Variants in GPR39 observed in about 807,000 individuals in gnomAD.
GPR39 encodes the protein zinc sensing receptor.
GPR39 carries 23 observed loss-of-function variants against 18.4 expected under a neutral mutation model. That is an observed-to-expected ratio of 1.25 (90% CI 0.90 to 1.77). GPR39 has a LOEUF of 1.77. Among genes scored for constraint, GPR39 ranks in the 40% most tolerant of loss-of-function variants. GPR39 has a pLI of 0.00. For missense variants in GPR39, 647 were observed against 602.4 expected, an observed-to-expected ratio of 1.07 and a Z score of -0.78; for synonymous variants, 280 against 257.9, an observed-to-expected ratio of 1.09 and a Z score of -0.82.
intron 1 of GPR39, among the ~76,000 whole-genome samples, chr2:132,604,257 C>CA (rs1190438037): frequency 1.3e-5 from 2 of 152,020 alleles, no homozygotes; most frequent in Admixed American, 6.5e-5. Flanking sequence ...CATATCTGGG[C>CA]ACATGATAGA....
At chr2:132,544,941 A>G (rs752556127) in intron 1 of GPR39, among the ~76,000 whole-genome samples, 8 of 152,220 alleles carry the variant, frequency 5.3e-5, no homozygotes, top group Admixed American at 2.0e-4. Context: ...ATGACAGTGT[A>G]AAAAACCAAT....
intron 1 of GPR39, among the ~76,000 whole-genome samples, chr2:132,437,216 AACGATATTC>A (rs1352624186): frequency 1.4e-4 from 22 of 152,352 alleles, no homozygotes; most frequent in South Asian, 6.2e-4. Flanking sequence ...AGTTTCACTG[AACGATATTC>A]ACCCATCCTT....
At chr2:132,638,292 T>C (rs1439735697) in intron 1 of GPR39, among the ~76,000 whole-genome samples, 2 of 152,148 alleles carry the variant, frequency 1.3e-5, no homozygotes, top group African/African-American at 2.4e-5. Context: ...TGTGATGCTT[T>C]AAAGGCTTCA....
intron 1 of GPR39, among the ~76,000 whole-genome samples, chr2:132,500,068 C>T (rs551954782): frequency 1.3e-5 from 2 of 152,226 alleles, no homozygotes; most frequent in Admixed American, 1.3e-4. Flanking sequence ...TTTGGATGCC[C>T]TTTAGTTCTT....
chr2:132,456,991 T>C (rs867072052), intron 1 of GPR39, among the ~76,000 whole-genome samples: 7 of 152,220 alleles, frequency 4.6e-5, no homozygotes, highest in South Asian at 2.1e-4. Context: ...ATCTTTGTTG[T>C]ATTCTTTATA....
chr2:132,493,138 A>G (rs1681538133), intron 1 of GPR39, among the ~76,000 whole-genome samples: 1 of 144,118 alleles, frequency 6.9e-6, no homozygotes, highest in Non-Finnish European at 1.5e-5. Context: ...TATATACCAT[A>G]TATATACATT....
intron 1 of GPR39, among the ~76,000 whole-genome samples, chr2:132,644,548 T>G (rs555345212): frequency 1.3e-3 from 193 of 152,372 alleles, no homozygotes; most frequent in African/African-American, 4.6e-3. Context: ...CGACAGGCTA[T>G]TCCTGACTTT....
intron 1 of GPR39, among the ~76,000 whole-genome samples, chr2:132,518,969 T>C (rs1038741496): frequency 1.3e-5 from 2 of 152,236 alleles, no homozygotes; most frequent in Non-Finnish European, 2.9e-5. Flanking sequence ...GGGTCTAGAT[T>C]GAATTTCTTC....
intron 1 of GPR39, among the ~76,000 whole-genome samples, chr2:132,565,807 A>G (rs1406292700): frequency 6.7e-6 from 1 of 148,706 alleles, no homozygotes; most frequent in African/African-American, 2.5e-5. Context: ...TCATTGTTGG[A>G]CATTTGGGTT....
Position 132,417,897 on chromosome 2 carries a change from G to C in GPR39, c.855G>C (p.Leu285=), listed in dbSNP as rs552798573. 4 of 1,580,702 alleles carry C rather than the reference G, an allele frequency of 2.5e-6. No individual in the cohort carries two copies. In the South Asian group the frequency reaches 4.5e-5, roughly 18 times the overall value. The part of the protein sequence containing the change: ...RTARRQTIIF[L]RLIVVTLAVC... ...CCAGGAGGCAGACCATCATCTTCCT[G>C]AGTGAGTCCTAAGTCGGGGGCAACA... Residue 285 remains leucine (L), a splice_region_variant and synonymous_variant, in exon 1 of 2, where the codon CTG becomes CTC. Coordinates refer to ENST00000329321, the MANE Select transcript of GPR39 (RefSeq NM_001508.3).
intron 1 of GPR39, among the ~76,000 whole-genome samples, chr2:132,560,355 A>G (rs1028789740): frequency 3.9e-5 from 6 of 151,906 alleles, no homozygotes; most frequent in East Asian, 3.9e-4. Flanking sequence ...TCCTACAGCC[A>G]CTGTGCTGGG....
intron 1 of GPR39, among the ~76,000 whole-genome samples, chr2:132,529,894 A>T (rs1679580904): frequency 6.6e-6 from 1 of 152,166 alleles, no homozygotes. Flanking sequence ...AAAACCACAA[A>T]GATGGGGAAA....
intron 1 of GPR39, among the ~76,000 whole-genome samples, chr2:132,571,448 AG>A (rs1680438899): frequency 1.3e-5 from 2 of 152,166 alleles, no homozygotes; most frequent in African/African-American, 2.4e-5. Context: ...CTAGAAAATC[AG>A]GGGTTAAAAA....
chr2:132,444,416 A>C (rs1050605993), intron 1 of GPR39, among the ~76,000 whole-genome samples: 2 of 151,926 alleles, frequency 1.3e-5, no homozygotes, highest in East Asian at 1.9e-4. Context: ...TCAGTCTCCC[A>C]AGTAGCTGGG....
At chr2:132,509,612 C>A (rs1286633119) in intron 1 of GPR39, among the ~76,000 whole-genome samples, 1 of 152,128 alleles carries the variant, frequency 6.6e-6, no homozygotes, top group Non-Finnish European at 1.5e-5. Flanking sequence ...TAGTTGTGAC[C>A]TTGTGTAAAT....
chr2:132,418,302 G>A (rs1679948197), intron 1 of GPR39, among the ~76,000 whole-genome samples: 1 of 152,138 alleles, frequency 6.6e-6, no homozygotes, highest in Admixed American at 6.5e-5. Context: ...AGAGATACAG[G>A]GAACCGTCTT....
chr2:132,445,545 C>T (rs1680519951), intron 1 of GPR39, among the ~76,000 whole-genome samples: 1 of 152,104 alleles, frequency 6.6e-6, no homozygotes, highest in Admixed American at 6.5e-5. Context: ...TATATGGCAC[C>T]CCCATGTAAT....
At chr2:132,514,393 G>A (rs987952340) in intron 1 of GPR39, among the ~76,000 whole-genome samples, 11 of 152,170 alleles carry the variant, frequency 7.2e-5, no homozygotes, top group African/African-American at 2.7e-4. Flanking sequence ...CCCCTTGGCC[G>A]GAGTTATCCA....
At chr2:132,570,895 C>T (rs1415729205) in intron 1 of GPR39, among the ~76,000 whole-genome samples, 2 of 152,162 alleles carry the variant, frequency 1.3e-5, no homozygotes, top group Non-Finnish European at 2.9e-5. Context: ...TTTCTTAACT[C>T]TTTCAATAGC....
Sources: allele counts gnomAD v4.1 joint callset (sites outside exome capture counted in the v4.1 genomes callset), GRCh38; gene constraint gnomAD v4.1.1; transcripts MANE v1.5; gene names NCBI Gene and HGNC (gene_info 2026-07-23, HGNC 2026-07-21).